Variants in USP32 observed in about 807,000 individuals in gnomAD.
USP32 encodes ubiquitin carboxyl-terminal hydrolase 32.
Under a neutral mutation model 204.8 loss-of-function variants are expected in USP32, and 59 were observed. That is an observed-to-expected ratio of 0.29 (90% CI 0.23 to 0.36). USP32 has a LOEUF of 0.36. USP32 is among the 10% of genes least tolerant of loss of function. USP32 has a pLI of 1.00. For missense variants in USP32, 1,160 were observed against 1,946.4 expected, an observed-to-expected ratio of 0.60 and a Z score of 7.60; for synonymous variants, 517 against 678.4, an observed-to-expected ratio of 0.76 and a Z score of 3.70.
chr17:60,294,608 C>T (rs1331122914), intron 4 of USP32, 75 bp downstream of exon 4: 1 of 925,806 alleles, frequency 1.1e-6, no homozygotes, highest in African/African-American at 1.7e-5. Flanking sequence ...GTTTGTCATA[C>T]TTAAAACTTA....
At chr17:60,361,198 T>C (rs1420981797) in intron 1 of USP32, among the ~76,000 whole-genome samples, 2 of 152,128 alleles carry the variant, frequency 1.3e-5, no homozygotes, top group African/African-American at 2.4e-5. Context: ...CATAAAATCC[T>C]ACTTACTTCC....
intron 1 of USP32, among the ~76,000 whole-genome samples, chr17:60,404,702 G>A (rs1340407334): frequency 6.6e-6 from 1 of 152,182 alleles, no homozygotes; most frequent in East Asian, 1.9e-4. Context: ...GGGATTAGCT[G>A]CCTTGAAGAA....
chr17:60,283,200 T>C (rs1274671843), intron 5 of USP32, among the ~76,000 whole-genome samples: 1 of 152,188 alleles, frequency 6.6e-6, no homozygotes, highest in Non-Finnish European at 1.5e-5. Context: ...TTAGGAGTGA[T>C]GTATATAGTG....
chr17:60,183,348 G>A lies in USP32; in HGVS notation c.3940C>T (p.Pro1314Ser), dbSNP rs532156911. Residue 1314 changes from proline (P) to serine (S), a missense_variant, in exon 31 of 34, where the codon CCA becomes TCA. This residue lies in a region of USP32 where 244 missense variants were observed against 342.3 expected (regional missense o/e 0.71). Transcript: ENST00000300896. Reference sequence around the variant, plus strand: ...TGCTGGCAGAGAGCCGGGTCTCTTGGTACCAAAAAAGCACTTGGATCAAAA... The same window carrying A: ...TGCTGGCAGAGAGCCGGGTCTCTTGATACCAAAAAAGCACTTGGATCAAAA... ...ESFDPSAFLV[P>S]RDPALCQHKP... 8 of 1,613,592 alleles carry A rather than the reference G, an allele frequency of 5.0e-6. No homozygotes were observed. In the Admixed American group the frequency reaches 5.0e-5, roughly 10 times the overall value.
intron 12 of USP32, among the ~76,000 whole-genome samples, chr17:60,226,478 ACT>A (rs371080591): frequency 3.3e-5 from 5 of 152,264 alleles, no homozygotes; most frequent in African/African-American, 1.2e-4. Context: ...AGTAATTTAC[ACT>A]CTATTCTGTT....
At position 60,326,859 on chromosome 17, in the gene USP32, A is replaced by G. The variant is rs565715202; in HGVS notation, c.186+18622T>C. On this transcript the variant is annotated intron_variant, in intron 2 of 33. Coordinates refer to ENST00000300896, the MANE Select transcript of USP32 (RefSeq NM_032582.4). ...GATTACTATCCTGCCAAGTTATTTT[A>G]TTGTTAAAAAATAAACACTTCATGA... Among the ~76,000 whole-genome samples, 57 of 152,324 alleles carry G rather than the reference A, an allele frequency of 3.7e-4. No homozygotes were observed. In the South Asian group the frequency reaches 0.012, roughly 31 times the overall value.
intron 5 of USP32, among the ~76,000 whole-genome samples, chr17:60,284,220 T>C (rs954370039): frequency 1.3e-5 from 2 of 150,406 alleles, no homozygotes; most frequent in African/African-American, 2.4e-5. Flanking sequence ...TTTTCTTTTT[T>C]TTTTTTTTTT....
intron 19 of USP32, 53 bp downstream of exon 19, chr17:60,211,971 A>G: frequency 7.0e-7 from 1 of 1,437,892 alleles, no homozygotes; most frequent in Non-Finnish European, 9.5e-7. Flanking sequence ...AGAGAAGAAA[A>G]AAAAAGAATA....
chr17:60,269,370 C>A, intron 7 of USP32, 80 bp downstream of exon 7: 2 of 1,054,692 alleles, frequency 1.9e-6, no homozygotes, highest in Non-Finnish European at 2.8e-6. Context: ...AGCCTTAATC[C>A]ACAGATAATT....
intron 1 of USP32, among the ~76,000 whole-genome samples, chr17:60,400,897 C>T (rs565200308): frequency 6.6e-6 from 1 of 152,164 alleles, no homozygotes; most frequent in Non-Finnish European, 1.5e-5. Flanking sequence ...TATGGTGCCA[C>T]CTGTGATCCC....
At chr17:60,194,426 T>C (rs1567756018) in intron 27 of USP32, among the ~76,000 whole-genome samples, 3 of 152,170 alleles carry the variant, frequency 2.0e-5, no homozygotes, top group Non-Finnish European at 4.4e-5. Flanking sequence ...TTGTGCATGA[T>C]TTCTTCTTCC....
intron 2 of USP32, among the ~76,000 whole-genome samples, chr17:60,314,955 T>C (rs1567847499): frequency 6.6e-6 from 1 of 152,134 alleles, no homozygotes; most frequent in African/African-American, 2.4e-5. Context: ...AAAAACAGCC[T>C]AGGATTATAT....
intron 2 of USP32, among the ~76,000 whole-genome samples, chr17:60,343,080 T>A (rs1435608681): frequency 6.6e-6 from 1 of 152,130 alleles, no homozygotes; most frequent in Non-Finnish European, 1.5e-5. Context: ...GGTAAAGGGA[T>A]CAATTCAACA....
At position 60,219,654 on chromosome 17, in the gene USP32, C is replaced by T; in HGVS notation, c.1867+16G>A. On this transcript the variant is annotated intron_variant, in intron 16 of 33. Transcript: ENST00000300896. ...TCTCGGTAAATGCTGAGGAAACATT[C>T]TCAGGCTCATCATACCCATATTCAC... 1 of 1,498,908 alleles carries T rather than the reference C, an allele frequency of 6.7e-7. No homozygotes were observed. Among genetic ancestry groups the T allele is most frequent in the Non-Finnish European group, 9.0e-7 (1 of 1,111,154 alleles). The allele number at this position is 1,498,908 out of a possible 1,614,324, so 92.9% of individuals were successfully genotyped here.
intron 1 of USP32, among the ~76,000 whole-genome samples, chr17:60,376,544 GAC>G (rs1441809008): frequency 6.7e-6 from 1 of 148,882 alleles, no homozygotes; most frequent in African/African-American, 2.5e-5. Flanking sequence ...TTTTTTTTGA[GAC>G]AGAGTCTCAC....
chr17:60,372,332 C>T (rs550336377), intron 1 of USP32, among the ~76,000 whole-genome samples: 33 of 152,254 alleles, frequency 2.2e-4, no homozygotes, highest in Non-Finnish European at 3.5e-4. Context: ...TAGGTGATTT[C>T]ATCATTGTGC....
chr17:60,335,999 C>T lies in USP32; in HGVS notation c.186+9482G>A, dbSNP rs1272674383. 5.6e-5 allele frequency among the ~76,000 whole-genome samples: 8 copies of T among 142,932 alleles called. 2 individuals are homozygous for T. The South Asian group carries it at 8.6e-4, about 15-fold the overall frequency. 93.8% of individuals were successfully genotyped at this position (142,932 alleles called of 152,430 possible). ...TGGATAGGATCCCAACTGTTTTTAT[C>T]GTCTACTACACTAGTCATGTCAGTA... On this transcript the variant is annotated intron_variant, in intron 2 of 33. Coordinates refer to ENST00000300896, the MANE Select transcript of USP32 (RefSeq NM_032582.4).
intron 1 of USP32, among the ~76,000 whole-genome samples, chr17:60,356,508 G>A (rs915096914): frequency 2.6e-5 from 4 of 152,058 alleles, no homozygotes; most frequent in African/African-American, 4.8e-5. Context: ...GAACCCCTCC[G>A]CCAAGGCTGA....
rs567230099 is a variant in USP32 at position 60,288,755 on chromosome 17, A to G, written c.412-73T>C. On this transcript the variant is annotated intron_variant, in intron 4 of 33. Transcript: ENST00000300896. ...CTTACTTGGAACCTGCACAACCTGA[A>G]ATTTGCAATTAGTTGGCAATTACCT... The G allele has an allele frequency of 6.1e-5, 82 of 1,337,554 alleles. No individual in the cohort carries two copies. In the African/African-American group the frequency reaches 1.1e-3, roughly 18 times the overall value. The allele number at this position is 1,337,554 out of a possible 1,614,324, so 82.9% of individuals were successfully genotyped here.
Sources: allele counts gnomAD v4.1 joint callset (sites outside exome capture counted in the v4.1 genomes callset), GRCh38; gene constraint gnomAD v4.1.1; regional missense constraint gnomAD v4.1.1; transcripts MANE v1.5; gene names NCBI Gene and HGNC (gene_info 2026-07-23, HGNC 2026-07-21).